The following TSC22D1 variants were observed in gnomAD, a reference collection of about 807,000 sequenced individuals.
TSC22D1 encodes the protein TSC22 domain family member 1.
Under a neutral mutation model 74.2 loss-of-function variants are expected in TSC22D1, and 9 were observed. The ratio of observed to expected loss-of-function variants is 0.12; its 90% CI spans 0.07 to 0.21. TSC22D1 has a LOEUF of 0.21. Among genes scored for constraint, TSC22D1 ranks in the 10% least tolerant of loss-of-function variants. The pLI, the probability that TSC22D1 is intolerant of heterozygous loss-of-function variation, is 1.00. For missense variants in TSC22D1, 1,427 were observed against 1,304.7 expected (o/e 1.09, Z -1.44); for synonymous variants, 586 against 492.5 (o/e 1.19, Z -2.51).
chr13:44,461,483 T>C (rs1876994315), intron 1 of TSC22D1, among the ~76,000 whole-genome samples: 1 of 152,166 alleles, frequency 6.6e-6, no homozygotes, highest in South Asian at 2.1e-4. Context: ...AGTAAAGTAC[T>C]AGATGGTGAG....
intron 1 of TSC22D1, among the ~76,000 whole-genome samples, chr13:44,554,257 T>C (rs1313598798): frequency 6.6e-6 from 1 of 152,276 alleles, no homozygotes; most frequent in East Asian, 1.9e-4. Context: ...ACAAAGGTCA[T>C]ACAATGAAGA....
At chr13:44,517,725 CTATATATA>C (rs1374306126) in intron 1 of TSC22D1, among the ~76,000 whole-genome samples, 1 of 124,648 alleles carries the variant, frequency 8.0e-6, no homozygotes. Context: ...CAGCTTAATA[CTATATATA>C]TATACATATA....
chr13:44,493,745 G>A (rs1878828073), intron 1 of TSC22D1, among the ~76,000 whole-genome samples: 1 of 152,164 alleles, frequency 6.6e-6, no homozygotes, highest in Non-Finnish European at 1.5e-5. Context: ...GTGCCCCAGT[G>A]CAGAGCCAAT....
intron 1 of TSC22D1, among the ~76,000 whole-genome samples, chr13:44,566,512 T>G (rs1305208744): frequency 1.3e-5 from 2 of 152,192 alleles, no homozygotes; most frequent in African/African-American, 4.8e-5. Context: ...GTAATTCCAC[T>G]CTTAAAATTT....
At chr13:44,445,329 A>G (rs1457013998) in intron 1 of TSC22D1, among the ~76,000 whole-genome samples, 1 of 40,130 alleles carries the variant, frequency 2.5e-5, no homozygotes, top group African/African-American at 5.9e-5. Context: ...GAACAACTGC[A>G]AAAAAAAAAA....
chr13:44,516,704 A>G (rs1225475420), intron 1 of TSC22D1, among the ~76,000 whole-genome samples: 1 of 152,250 alleles, frequency 6.6e-6, no homozygotes, highest in Non-Finnish European at 1.5e-5. Context: ...GAATCCATTA[A>G]GCAGAAGAAA....
At chr13:44,572,132 C>T (rs1256854059) in intron 1 of TSC22D1, among the ~76,000 whole-genome samples, 1 of 152,074 alleles carries the variant, frequency 6.6e-6, no homozygotes, top group Admixed American at 6.5e-5. Context: ...GATGTCTTTT[C>T]ATAACTCCTA....
chr13:44,547,717 T>C (rs113162021), intron 1 of TSC22D1, among the ~76,000 whole-genome samples: 117 of 152,302 alleles, frequency 7.7e-4, no homozygotes, highest in Non-Finnish European at 1.3e-3. Context: ...CAGGTAAATA[T>C]TCATAACTTT....
chr13:44,508,073 A>G (rs1879519162), intron 1 of TSC22D1, among the ~76,000 whole-genome samples: 2 of 152,256 alleles, frequency 1.3e-5, no homozygotes, highest in African/African-American at 2.4e-5. Context: ...GGAGGGAATT[A>G]AACTTAAAAC....
chr13:44,498,490 C>A (rs760525037), intron 1 of TSC22D1, among the ~76,000 whole-genome samples: 14 of 152,084 alleles, frequency 9.2e-5, no homozygotes, highest in Middle Eastern at 3.4e-3. Flanking sequence ...GCATACCAAC[C>A]ATTTATGCCA....
chr13:44,539,642 C>T (rs985380980), intron 1 of TSC22D1: 1 of 1,142,594 alleles, frequency 8.8e-7, no homozygotes, highest in African/African-American at 1.6e-5. Flanking sequence ...CTCAGAAAAA[C>T]AAAACAGATT....
At chr13:44,517,090 GTGTT>G (rs2138026198) in intron 1 of TSC22D1, among the ~76,000 whole-genome samples, 2 of 152,302 alleles carry the variant, frequency 1.3e-5, no homozygotes, top group Admixed American at 1.3e-4. Flanking sequence ...ATACACGTGT[GTGTT>G]TGTGTGTATA....
At chr13:44,442,222 G>A (rs1875260826) in intron 1 of TSC22D1, among the ~76,000 whole-genome samples, 1 of 152,158 alleles carries the variant, frequency 6.6e-6, no homozygotes. Context: ...CAAAGCTCAA[G>A]AATATTTAAT....
At chr13:44,441,617 G>T (rs1376835276) in intron 1 of TSC22D1, among the ~76,000 whole-genome samples, 1 of 152,072 alleles carries the variant, frequency 6.6e-6, no homozygotes, top group East Asian at 1.9e-4. Flanking sequence ...ATATTACATA[G>T]AAATGTGGAG....
At chr13:44,450,897 C>A (rs928105892) in intron 1 of TSC22D1, among the ~76,000 whole-genome samples, 1 of 152,112 alleles carries the variant, frequency 6.6e-6, no homozygotes, top group South Asian at 2.1e-4. Context: ...TGGAGCTGGG[C>A]GGCCACACAC....
chr13:44,440,032 C>T (rs1875058589), intron 1 of TSC22D1, among the ~76,000 whole-genome samples: 1 of 152,158 alleles, frequency 6.6e-6, no homozygotes. Context: ...CTAAGGACTC[C>T]CACGTCACCT....
chr13:44,552,339 A>C (rs9595150), intron 1 of TSC22D1, among the ~76,000 whole-genome samples: 2,852 of 152,330 alleles, frequency 0.019, 80 homozygotes, highest in African/African-American at 0.065. Flanking sequence ...ATCAAGGGTT[A>C]ACTCTCCAAC....
At chr13:44,454,461 C>T (rs1301521830) in intron 1 of TSC22D1, among the ~76,000 whole-genome samples, 2 of 152,126 alleles carry the variant, frequency 1.3e-5, no homozygotes, top group African/African-American at 4.8e-5. Context: ...AGAACGTTAT[C>T]AACACCACTG....
At chr13:44,441,546 A>G (rs963083214) in intron 1 of TSC22D1, among the ~76,000 whole-genome samples, 15 of 152,232 alleles carry the variant, frequency 9.9e-5, no homozygotes, top group African/African-American at 3.4e-4. Context: ...ATCCTAATCT[A>G]CTACAGCTTG....
Sources: allele counts gnomAD v4.1 joint callset (sites outside exome capture counted in the v4.1 genomes callset), GRCh38; gene constraint gnomAD v4.1.1; transcripts MANE v1.5; gene names NCBI Gene and HGNC (gene_info 2026-07-23, HGNC 2026-07-21).